Variants in DEPDC5 observed in about 807,000 individuals in gnomAD.
DEPDC5 encodes GATOR1 complex protein DEPDC5.
In DEPDC5, 73 loss-of-function variants were observed where a neutral mutation model predicts 217.3. That is an observed-to-expected ratio of 0.34 (90% confidence interval 0.28 to 0.41). The LOEUF (loss-of-function observed/expected upper bound fraction) is 0.41, where lower values mean the gene tolerates loss of function less well. Among genes scored for constraint, DEPDC5 ranks in the 10% least tolerant of loss-of-function variants. The pLI is 1.00. For missense variants in DEPDC5, 1,675 were observed against 2,070.1 expected (o/e 0.81, Z 3.70); for synonymous variants, 733 against 756.7 (o/e 0.97, Z 0.51).
chr22:31,901,971 TA>T (rs1376412266), intron 41 of DEPDC5, among the ~76,000 whole-genome samples, 169 bp downstream of exon 41: 1 of 152,220 alleles, frequency 6.6e-6, no homozygotes, highest in Non-Finnish European at 1.5e-5. Context: ...GTTTTTGAGA[TA>T]AGCGCTGCCT....
At chr22:31,882,992 A>T (rs1191618499) in intron 38 of DEPDC5, among the ~76,000 whole-genome samples, 1 of 152,184 alleles carries the variant, frequency 6.6e-6, no homozygotes, top group African/African-American at 2.4e-5. Context: ...CCAGTAGATC[A>T]TACAAAACCC....
intron 14 of DEPDC5, among the ~76,000 whole-genome samples, chr22:31,799,893 C>G (rs1298691153): frequency 6.9e-6 from 1 of 145,186 alleles, no homozygotes; most frequent in Non-Finnish European, 1.5e-5. Context: ...CAGTGCAACT[C>G]CCAGGTTCAA....
intron 37 of DEPDC5, 76 bp downstream of exon 37, chr22:31,876,341 G>A: frequency 1.9e-6 from 2 of 1,075,124 alleles, no homozygotes; most frequent in East Asian, 4.7e-5. Context: ...ACATGATGGT[G>A]CTTCCTGAGC....
chr22:31,819,953 T>C (rs1262078991), intron 22 of DEPDC5, among the ~76,000 whole-genome samples: 1 of 152,222 alleles, frequency 6.6e-6, no homozygotes, highest in East Asian at 1.9e-4. Flanking sequence ...AAAAAAATTT[T>C]CCCCTGAATT....
chr22:31,900,631 C>T (rs962699182), intron 40 of DEPDC5, among the ~76,000 whole-genome samples: 11 of 152,056 alleles, frequency 7.2e-5, no homozygotes, highest in Admixed American at 2.0e-4. Flanking sequence ...CCCAGCTACT[C>T]GGGAGGCTGA....
chr22:31,836,778 C>T (rs924361719), intron 25 of DEPDC5, 194 bp from the exon 26 acceptor site: 1 of 597,726 alleles, frequency 1.7e-6, no homozygotes, highest in Non-Finnish European at 3.0e-6. Context: ...AGCATGTGCA[C>T]TGCATTGTCT....
chr22:31,900,258 G>C (rs1008054595), intron 40 of DEPDC5, among the ~76,000 whole-genome samples: 2 of 151,796 alleles, frequency 1.3e-5, no homozygotes, highest in Non-Finnish European at 1.5e-5. Context: ...TGTTGGCCAG[G>C]CTGGTCTCAA....
chr22:31,816,197 G>A (rs1332414102), intron 21 of DEPDC5, among the ~76,000 whole-genome samples: 1 of 151,424 alleles, frequency 6.6e-6, no homozygotes, highest in Admixed American at 6.6e-5. Flanking sequence ...CTACTCAGGA[G>A]GCTGAGGCAG....
chr22:31,855,682 T>G (rs1478820164), intron 31 of DEPDC5, among the ~76,000 whole-genome samples: 1 of 152,112 alleles, frequency 6.6e-6, no homozygotes, highest in Non-Finnish European at 1.5e-5. Context: ...CTGGCCAACT[T>G]CAAAATATTT....
At position 31,843,133 on chromosome 22, in the gene DEPDC5, T is replaced by C. The variant is rs181352850; in HGVS notation, c.2554T>C (p.Tyr852His). Residue 852 changes from tyrosine (Y) to histidine (H), a missense_variant, in exon 28 of 43, where the codon TAT becomes CAT. Tyr to His is a moderately conservative substitution (Grantham distance 83). This residue lies in a region of DEPDC5 where 293 missense variants were observed against 386.1 expected (regional missense o/e 0.76). Transcript: ENST00000651528. The part of the protein sequence containing the change: ...SRNRPEEEDQ[Y>H]WLSMGRTFHK... ...AAACCGCCCTGAGGAGGAGGACCAG[T>C]ATTGGCTGAGTATGGGCAGAACGTT... is the stretch of plus-strand genomic sequence containing the variant. 6.2e-7 allele frequency: 1 copy of C among 1,614,108 alleles called. No individual in the cohort carries two copies. Among genetic ancestry groups the C allele is most frequent in the Non-Finnish European group, 8.5e-7 (1 of 1,180,022 alleles).
chr22:31,804,912 A>G lies in DEPDC5; in HGVS notation c.1214A>G (p.His405Arg), dbSNP rs761351469. The G allele has an allele frequency of 9.3e-6, 15 of 1,613,336 alleles. No homozygotes were observed. The highest frequency in any genetic ancestry group is 1.3e-5 in the Non-Finnish European group (15 of 1,179,558). Residue 405 changes from histidine to arginine, a missense_variant, in exon 17 of 43, where the codon CAC becomes CGC. His to Arg is a conservative substitution (Grantham distance 29). Transcript: ENST00000651528. The part of the protein sequence containing the change: ...DDYNIPHWIN[H>R]SFYTSKSQLF... ...TATAATATCCCTCACTGGATAAACC[A>G]CAGGTGGGTGCGATCTCGATCAATA...
chr22:31,778,186 C>A lies in DEPDC5; in HGVS notation c.483+18C>A, dbSNP rs1342670505. ...ATACCAGGGTAAGATTTATAAAATG[C>A]TTTTTTGGTTTTATCTCTCCATACT... On this transcript the variant is annotated intron_variant, in intron 8 of 42. Coordinates refer to ENST00000651528, the MANE Select transcript of DEPDC5 (RefSeq NM_001242896.3). 6.2e-7 allele frequency: 1 copy of A among 1,612,686 alleles called. No individual in the cohort carries two copies. The highest frequency in any genetic ancestry group is 1.3e-5 in the African/African-American group (1 of 74,868).
intron 25 of DEPDC5, among the ~76,000 whole-genome samples, chr22:31,835,436 C>T (rs1341881593): frequency 6.6e-6 from 1 of 152,188 alleles, no homozygotes; most frequent in Admixed American, 6.5e-5. Flanking sequence ...ACAGAACACC[C>T]TTAAACTTAC....
chr22:31,825,667 T>C (rs2148857356), intron 24 of DEPDC5, among the ~76,000 whole-genome samples: 1 of 152,318 alleles, frequency 6.6e-6, no homozygotes, highest in Middle Eastern at 3.4e-3. Flanking sequence ...ATTATTGCAG[T>C]AGCCTTCAAA....
At chr22:31,902,755 T>TC (rs915785989) in intron 41 of DEPDC5, among the ~76,000 whole-genome samples, 1 of 152,014 alleles carries the variant, frequency 6.6e-6, no homozygotes, top group African/African-American at 2.4e-5. Flanking sequence ...CTGGTGAGCC[T>TC]CCATTTTCTT....
At chr22:31,847,603 G>T (rs185579920) in intron 31 of DEPDC5, among the ~76,000 whole-genome samples, 2 of 152,128 alleles carry the variant, frequency 1.3e-5, no homozygotes, top group Non-Finnish European at 2.9e-5. Flanking sequence ...ATCACATCTC[G>T]TGAGAACTCA....
intron 14 of DEPDC5, 59 bp downstream of exon 14, chr22:31,798,715 G>T: frequency 6.5e-7 from 1 of 1,546,822 alleles, no homozygotes; most frequent in Non-Finnish European, 8.8e-7. Context: ...TATGTTACCG[G>T]AAAGGTGTCC....
At chr22:31,841,602 A>G (rs917980227) in intron 27 of DEPDC5, among the ~76,000 whole-genome samples, 4 of 152,204 alleles carry the variant, frequency 2.6e-5, no homozygotes, top group South Asian at 2.1e-4. Context: ...TGTACACGCT[A>G]TGTAAATGAA....
intron 7 of DEPDC5, among the ~76,000 whole-genome samples, chr22:31,771,731 A>ACG (rs1282741672): frequency 1.0e-4 from 11 of 108,270 alleles, no homozygotes; most frequent in African/African-American, 3.2e-4. Context: ...ACACACACAC[A>ACG]CACACACACA....
Sources: allele counts gnomAD v4.1 joint callset (sites outside exome capture counted in the v4.1 genomes callset), GRCh38; gene constraint gnomAD v4.1.1; regional missense constraint gnomAD v4.1.1; transcripts MANE v1.5; gene names NCBI Gene and HGNC (gene_info 2026-07-23, HGNC 2026-07-21).